HTT: variants seen among roughly 807,000 people sequenced by gnomAD.
HTT encodes huntingtin.
HTT carries 104 observed loss-of-function variants against 362.3 expected under a neutral mutation model. The ratio of observed to expected loss-of-function variants is 0.29; its 90% CI spans 0.24 to 0.34. HTT has a LOEUF of 0.34. Ranked by LOEUF, HTT falls within the 10% of genes least tolerant of loss-of-function variation. The probability of loss-of-function intolerance (pLI) is 1.00; values close to 1 mark genes in which losing one functional copy is unlikely to be tolerated. For missense variants in HTT, 3,301 were observed against 3,928.6 expected (o/e 0.84, Z 4.27); for synonymous variants, 1,577 against 1,548.7 (o/e 1.02, Z -0.43).
At chr4:3,229,116 C>A (rs1486757040) in intron 59 of HTT, 107 bp downstream of exon 59, 3 of 1,120,856 alleles carry the variant, frequency 2.7e-6, no homozygotes, top group Non-Finnish European at 3.9e-6. Flanking sequence ...CTTGCACACA[C>A]ACCCCTCATG....
intron 23 of HTT, among the ~76,000 whole-genome samples, chr4:3,143,834 C>G (rs1190966866): frequency 1.3e-5 from 2 of 152,040 alleles, no homozygotes; most frequent in East Asian, 1.9e-4. Flanking sequence ...AACTCCCAAC[C>G]TCAGGTGATC....
intron 60 of HTT, 142 bp downstream of exon 60, chr4:3,230,184 G>A (rs1018775206): frequency 3.0e-6 from 2 of 658,390 alleles, no homozygotes; most frequent in Non-Finnish European, 5.4e-6. Context: ...GCCCACGTGA[G>A]CTGCAGTGCT....
At chr4:3,142,717 AAT>A (rs749339335) in intron 22 of HTT, 47 bp from the exon 23 acceptor site, 55 of 991,992 alleles carry the variant, frequency 5.5e-5, no homozygotes, top group Admixed American at 1.8e-4. Flanking sequence ...GATCTTTAAA[AAT>A]ATATGTTTTA....
At chr4:3,166,997 G>A (rs1262828788) in intron 29 of HTT, among the ~76,000 whole-genome samples, 3 of 152,250 alleles carry the variant, frequency 2.0e-5, no homozygotes, top group Non-Finnish European at 4.4e-5. Flanking sequence ...AGTTGGAAAT[G>A]CAGAAATCAC....
chr4:3,130,043 C>T lies in HTT; in HGVS notation c.1863C>T (p.Ser621=). The T allele has an allele frequency of 6.2e-7, 1 of 1,608,354 alleles. No individual in the cohort carries two copies. The highest frequency in any genetic ancestry group is 1.7e-4 in the Middle Eastern group (1 of 6,028). Residue 621 remains serine, a synonymous_variant, in exon 13 of 67, where the codon TCC becomes TCT. Coordinates refer to ENST00000355072, the MANE Select transcript of HTT (RefSeq NM_001388492.1). ...CCTCGGAGGCCTTCAGGAACTCTTC[C>T]ATGGGTATGTGGACTACAGGTGATG... ...DEASEAFRNS[S]MALQQAHLLK...
rs79689511 is a variant in HTT at position 3,212,733 on chromosome 4, G to A, written c.6774+24G>A. ...AGGTAAGAGGCAGCTCGGGAGCTCA[G>A]TGTTGCTGTGGGGAGGGGGCATGGG... On this transcript the variant is annotated intron_variant, in intron 49 of 66. Coordinates refer to ENST00000355072, the MANE Select transcript of HTT (RefSeq NM_001388492.1). 6,855 of 1,613,808 alleles carry A rather than the reference G, an allele frequency of 4.2e-3. 170 individuals are homozygous for A. In the African/African-American group the frequency reaches 0.066, roughly 15 times the overall value.
At chr4:3,181,963 A>G (rs1199165821) in intron 36 of HTT, among the ~76,000 whole-genome samples, 1 of 152,280 alleles carries the variant, frequency 6.6e-6, no homozygotes, top group Admixed American at 6.5e-5. Context: ...GTGAATGTCC[A>G]CAAAGGCAAT....
At position 3,228,357 on chromosome 4, in the gene HTT, C is replaced by T. The variant is rs969556839; in HGVS notation, c.7849-258C>T. ...TTCGTAGAGCCTCTTTCTGTGTCAC[C>T]CTCCTCAGCTGCTCCTGGGGTTGAC... On this transcript the variant is annotated intron_variant, in intron 57 of 66. Coordinates refer to ENST00000355072, the MANE Select transcript of HTT (RefSeq NM_001388492.1). The surrounding 1 kb of genome is among the most constrained non-coding windows in gnomAD (Gnocchi z 4.3). Among the ~76,000 whole-genome samples the T allele has an allele frequency of 1.3e-5, 2 of 152,190 alleles. No individual in the cohort carries two copies. Among genetic ancestry groups the T allele is most frequent in the Admixed American group, 6.5e-5 (1 of 15,286 alleles).
At position 3,127,528 on chromosome 4, in the gene HTT, C is replaced by T. The variant is rs1301605002; in HGVS notation, c.1667C>T (p.Ser556Leu). 8 of 1,614,038 alleles carry T rather than the reference C, an allele frequency of 5.0e-6. No individual in the cohort carries two copies. The Admixed American group carries it at 5.0e-5, about 10-fold the overall frequency. The change falls in exon 12 of 67, where the codon TCG becomes TTG. Residue 556 changes from serine (S) to leucine (L), a missense_variant. Ser to Leu is a moderately radical substitution (Grantham distance 145, BLOSUM62 -2). Transcript: ENST00000355072. ...MDLNDGTQASSPISDSSQTTT... is the reference protein window; with the variant it reads ...MDLNDGTQASLPISDSSQTTT... ...CTGAATGATGGGACCCAGGCCTCGTCGCCCATCAGCGACAGCTCCCAGACC... is the reference window on the plus strand; with the variant it reads ...CTGAATGATGGGACCCAGGCCTCGTTGCCCATCAGCGACAGCTCCCAGACC...
intron 6 of HTT, among the ~76,000 whole-genome samples, chr4:3,108,246 G>T (rs1466889965): frequency 6.6e-6 from 1 of 152,216 alleles, no homozygotes; most frequent in African/African-American, 2.4e-5. Context: ...GAATGATTTG[G>T]AATAAACTGT....
intron 60 of HTT, among the ~76,000 whole-genome samples, chr4:3,230,731 G>C (rs1009236919): frequency 2.6e-5 from 4 of 152,130 alleles, no homozygotes; most frequent in Non-Finnish European, 4.4e-5. Context: ...TTCTGGCTGG[G>C]TCCTCACGGT....
intron 41 of HTT, among the ~76,000 whole-genome samples, chr4:3,201,851 A>G (rs363089): frequency 0.056 from 8,603 of 152,270 alleles, 295 homozygotes; most frequent in African/African-American, 0.095. Flanking sequence ...AGTGTGAAAT[A>G]CAAAACACAG....
chr4:3,148,785 G>A (rs1469554793), intron 26 of HTT, among the ~76,000 whole-genome samples: 1 of 150,986 alleles, frequency 6.6e-6, no homozygotes, highest in Non-Finnish European at 1.5e-5. Context: ...GTGACAGAGC[G>A]AGACTCCGTC....
intron 40 of HTT, among the ~76,000 whole-genome samples, chr4:3,197,103 A>C (rs887857066): frequency 1.3e-5 from 2 of 152,106 alleles, no homozygotes; most frequent in African/African-American, 4.8e-5. Flanking sequence ...CTTGTCACTC[A>C]GTAGCTTGTG....
chr4:3,143,002 A>G (rs144071290), intron 23 of HTT, 116 bp downstream of exon 23: 2 of 693,522 alleles, frequency 2.9e-6, no homozygotes, highest in African/African-American at 3.5e-5. Flanking sequence ...GCTCTTACTT[A>G]TCCATGAGGC....
At chr4:3,224,408 T>C (rs1329806312) in intron 56 of HTT, among the ~76,000 whole-genome samples, 1 of 152,198 alleles carries the variant, frequency 6.6e-6, no homozygotes, top group Non-Finnish European at 1.5e-5. Flanking sequence ...GATTTAAAAG[T>C]TGAATTAGTT....
At chr4:3,224,521 G>T (rs1246649052) in intron 56 of HTT, among the ~76,000 whole-genome samples, 1 of 152,168 alleles carries the variant, frequency 6.6e-6, no homozygotes, top group Non-Finnish European at 1.5e-5. Flanking sequence ...GCACAGCTGG[G>T]CCTGAGCACC....
At chr4:3,239,107 C>A in intron 66 of HTT, 129 bp downstream of exon 66, 2 of 975,850 alleles carry the variant, frequency 2.0e-6, no homozygotes, top group Non-Finnish European at 3.0e-6. Context: ...AGGCCCTCAG[C>A]CCCAGGGAAG....
intron 52 of HTT, among the ~76,000 whole-genome samples, chr4:3,219,381 C>T (rs1256523051): frequency 3.3e-5 from 5 of 152,140 alleles, no homozygotes; most frequent in Non-Finnish European, 7.4e-5. Context: ...TAAAATTCCT[C>T]CAGCAAGCTC....
Sources: gnomAD v4.1 joint callset for allele counts (sites outside exome capture counted in the v4.1 genomes callset) on GRCh38, gnomAD v4.1.1 for gene constraint, Gnocchi (gnomAD v3.1) non-coding constraint, MANE v1.5 for transcripts, NCBI Gene and HGNC (gene_info 2026-07-23, HGNC 2026-07-21) for gene names.